Variants in GLB1L3 observed in about 807,000 individuals in gnomAD.
The protein encoded by GLB1L3 is galactosidase beta 1 like 3.
GLB1L3 carries 89 observed loss-of-function variants against 89.5 expected under a neutral mutation model. The ratio of observed to expected loss-of-function variants is 0.99; its 90% CI spans 0.84 to 1.19. The LOEUF (loss-of-function observed/expected upper bound fraction) is 1.19. GLB1L3 is among the 50% of genes most tolerant of loss of function. The pLI, the probability that GLB1L3 is intolerant of heterozygous loss-of-function variation, is 0.00. For synonymous variants in GLB1L3, 314 were observed against 312.3 expected, an observed-to-expected ratio of 1.01 and a Z score of -0.06; for missense variants, 812 against 813.3, an observed-to-expected ratio of 1.00 and a Z score of 0.02.
chr11:134,297,777 T>C (rs1229625493), intron 9 of GLB1L3, among the ~76,000 whole-genome samples: 1 of 147,672 alleles, frequency 6.8e-6, no homozygotes, highest in Non-Finnish European at 1.5e-5. Flanking sequence ...GGAGAATCGC[T>C]TGAACCCAGG....
chr11:134,308,217 TCACCATCAC>T (rs1942333707), intron 10 of GLB1L3, among the ~76,000 whole-genome samples: 2 of 31,504 alleles, frequency 6.3e-5, no homozygotes, highest in African/African-American at 3.4e-4. Context: ...ACCACCACCA[TCACCATCAC>T]CACCACCACC....
At chr11:134,286,613 A>G (rs940237275) in intron 6 of GLB1L3, among the ~76,000 whole-genome samples, 5 of 151,504 alleles carry the variant, frequency 3.3e-5, no homozygotes, top group African/African-American at 9.7e-5. Context: ...CGTCTCTACT[A>G]AAAAATAGAA....
intron 7 of GLB1L3, 45 bp downstream of exon 7, chr11:134,288,935 T>C: frequency 2.3e-6 from 3 of 1,308,056 alleles, no homozygotes; most frequent in African/African-American, 1.5e-5. Flanking sequence ...GCCTCCTTCC[T>C]CCTCTGTGCG....
intron 6 of GLB1L3, among the ~76,000 whole-genome samples, chr11:134,286,577 C>T (rs989231063): frequency 2.0e-5 from 3 of 151,786 alleles, no homozygotes; most frequent in African/African-American, 7.3e-5. Context: ...GAGATGGAGA[C>T]CATCTTGGCT....
At chr11:134,302,713 T>C (rs183860094) in intron 9 of GLB1L3, among the ~76,000 whole-genome samples, 72 of 151,970 alleles carry the variant, frequency 4.7e-4, no homozygotes, top group African/African-American at 1.6e-3. Context: ...TGATTCTTTA[T>C]TTTTTATGTT....
intron 9 of GLB1L3, among the ~76,000 whole-genome samples, chr11:134,294,007 G>T (rs1272414543): frequency 4.0e-5 from 6 of 151,720 alleles, no homozygotes; most frequent in African/African-American, 1.2e-4. Context: ...TCAGGGCTCT[G>T]CCCCTACCCT....
At chr11:134,318,606 A>C (rs552874873) in intron 18 of GLB1L3, 25 bp from the exon 19 acceptor site, 1 of 1,478,756 alleles carries the variant, frequency 6.8e-7, no homozygotes, top group East Asian at 2.3e-5. Flanking sequence ...CCAATTTCCA[A>C]ATCTCAAGCC....
chr11:134,315,270 C>G (rs1412012268), intron 18 of GLB1L3, among the ~76,000 whole-genome samples: 2 of 152,080 alleles, frequency 1.3e-5, no homozygotes, highest in East Asian at 1.9e-4. Flanking sequence ...TAGGGCTTGT[C>G]TATGGTAAAT....
At chr11:134,304,431 T>C (rs1162319452) in intron 9 of GLB1L3, among the ~76,000 whole-genome samples, 1 of 152,212 alleles carries the variant, frequency 6.6e-6, no homozygotes, top group Non-Finnish European at 1.5e-5. Flanking sequence ...TTATTTGGTT[T>C]ATTCTCTTTA....
chr11:134,312,254 G>T, intron 13 of GLB1L3, 95 bp from the exon 14 acceptor site: 3 of 1,384,704 alleles, frequency 2.2e-6, no homozygotes, highest in Non-Finnish European at 3.0e-6. Context: ...AGAACCCTTG[G>T]GGACCATTAG....
downstream of GLB1L3, among the ~76,000 whole-genome samples, chr11:134,319,749 C>CGTGT (rs1297298447): frequency 7.7e-6 from 1 of 129,248 alleles, no homozygotes; most frequent in African/African-American, 2.7e-5. Flanking sequence ...TGTGTGTGTG[C>CGTGT]GCGCGCGCGT....
At chr11:134,296,814 A>T (rs961111144) in intron 9 of GLB1L3, among the ~76,000 whole-genome samples, 1 of 148,624 alleles carries the variant, frequency 6.7e-6, no homozygotes, top group Non-Finnish European at 1.5e-5. Context: ...CACATTGTGC[A>T]CATGTACCCT....
At chr11:134,308,553 CCAT>C (rs139193148) in intron 10 of GLB1L3, among the ~76,000 whole-genome samples, 18,945 of 43,798 alleles carry the variant, frequency 0.43, 3,561 homozygotes, top group South Asian at 0.51. Context: ...ATCACCATCA[CCAT>C]CACCACCACC....
At chr11:134,290,525 A>T (rs531801368) in intron 7 of GLB1L3, among the ~76,000 whole-genome samples, 55 of 147,082 alleles carry the variant, frequency 3.7e-4, no homozygotes, top group Admixed American at 2.4e-3. Context: ...GTGAGCCGAG[A>T]TTATGCCACT....
downstream of GLB1L3, among the ~76,000 whole-genome samples, chr11:134,323,758 G>C (rs913248904): frequency 6.6e-6 from 1 of 152,080 alleles, no homozygotes; most frequent in Non-Finnish European, 1.5e-5. Flanking sequence ...CTGTGTTGCT[G>C]TTATTCTCTG....
intron 5 of GLB1L3, among the ~76,000 whole-genome samples, 186 bp downstream of exon 5, chr11:134,282,306 G>A (rs1465861242): frequency 2.0e-5 from 3 of 152,182 alleles, no homozygotes; most frequent in Non-Finnish European, 2.9e-5. Flanking sequence ...GGTGGCGGGG[G>A]GCGGGGTGCA....
intron 18 of GLB1L3, among the ~76,000 whole-genome samples, chr11:134,318,265 A>G (rs1943065356): frequency 6.6e-6 from 1 of 152,208 alleles, no homozygotes; most frequent in Non-Finnish European, 1.5e-5. Flanking sequence ...ATTCTTCATT[A>G]TATTGCAAGC....
At chr11:134,319,752 G>A (rs562269923), downstream of GLB1L3, among the ~76,000 whole-genome samples, 1,144 of 151,132 alleles carry the variant, frequency 7.6e-3, 10 homozygotes, top group African/African-American at 0.024. Flanking sequence ...GTGTGTGCGC[G>A]CGCGCGTGCA....
chr11:134,300,221 C>T (rs1295427566), intron 9 of GLB1L3, among the ~76,000 whole-genome samples: 1 of 152,116 alleles, frequency 6.6e-6, no homozygotes, highest in Admixed American at 6.5e-5. Flanking sequence ...CGGCTGTCTT[C>T]TCCTCCCTGT....
Sources: allele counts gnomAD v4.1 joint callset (sites outside exome capture counted in the v4.1 genomes callset), GRCh38; gene constraint gnomAD v4.1.1; transcripts MANE v1.5; gene names NCBI Gene and HGNC (gene_info 2026-07-23, HGNC 2026-07-21).